The following GALNT17 variants were observed in gnomAD, a reference collection of about 807,000 sequenced individuals.
GALNT17 encodes the protein UDP-GalNAc:polypeptide N-acetylgalactosaminyltransferase-like 3.
GALNT17 carries 29 observed loss-of-function variants against 63.7 expected under a neutral mutation model. That is an observed-to-expected ratio of 0.46 (90% CI 0.34 to 0.62). GALNT17 has a LOEUF of 0.62. Ranked by LOEUF, GALNT17 falls within the 20% of genes least tolerant of loss-of-function variation. GALNT17 has a pLI of 0.01. For synonymous variants in GALNT17, 305 were observed against 318.3 expected, an observed-to-expected ratio of 0.96 and a Z score of 0.45; for missense variants, 603 against 799.6, an observed-to-expected ratio of 0.75 and a Z score of 2.97.
At chr7:71,591,658 T>C (rs992230168) in intron 6 of GALNT17, among the ~76,000 whole-genome samples, 9 of 143,084 alleles carry the variant, frequency 6.3e-5, no homozygotes, top group African/African-American at 2.4e-4. Context: ...ATTGTTTGTT[T>C]GTTTGTTCGT....
chr7:71,522,034 T>G (rs889231856), intron 5 of GALNT17, among the ~76,000 whole-genome samples: 9 of 152,278 alleles, frequency 5.9e-5, no homozygotes, highest in African/African-American at 2.2e-4. Context: ...CCAAGGTCAT[T>G]GAGCTAATTA....
In GALNT17 at chr7:71,368,829, T is replaced by A. The variant is rs550755647; in HGVS notation, c.423-19406T>A. Among the ~76,000 whole-genome samples the A allele has an allele frequency of 1.1e-4, 16 of 148,718 alleles. No homozygotes were observed. The South Asian group carries it at 3.0e-3, about 28-fold the overall frequency. ...AGGAAGAAACAGATTTTTAAACTGA[T>A]ACAAGATCCATATTAAAATCAAAGG... On this transcript the variant is annotated intron_variant, in intron 2 of 10. Coordinates refer to ENST00000333538, the MANE Select transcript of GALNT17 (RefSeq NM_022479.3).
Position 71,710,439 on chromosome 7 carries a change from C to T in GALNT17, c.1501-322C>T, listed in dbSNP as rs562534639. On this transcript the variant is annotated intron_variant, in intron 9 of 10. Coordinates refer to ENST00000333538, the MANE Select transcript of GALNT17 (RefSeq NM_022479.3). The stretch of plus-strand genomic sequence containing the variant: ...AAGAGAATTGCTTGAACCTGGGAAG[C>T]GGAGGTTGCAGTGAGCTGAGATCGT... Among the ~76,000 whole-genome samples the T allele has an allele frequency of 3.3e-5, 5 of 152,212 alleles. 1 individual carries two copies. The South Asian group carries it at 8.3e-4, about 25-fold the overall frequency.
rs62462210 is a variant in GALNT17, at chr7:71,376,282, C to T, written c.423-11953C>T. Among the ~76,000 whole-genome samples the T allele has an allele frequency of 9.6e-3, 1,437 of 150,344 alleles. 14 individuals are homozygous for T. The highest frequency in any genetic ancestry group is 0.018 in the Admixed American group (269 of 15,078). Reference sequence around the variant, plus strand: ...AGGATTGAATACTATGTAAGAATAACGTAGGCAGCATTTCCTGTGCATGCA... The same window carrying T: ...AGGATTGAATACTATGTAAGAATAATGTAGGCAGCATTTCCTGTGCATGCA... On this transcript the variant is annotated intron_variant, in intron 2 of 10. Transcript: ENST00000333538.
intron 5 of GALNT17, among the ~76,000 whole-genome samples, chr7:71,504,515 C>T (rs1055884095): frequency 6.6e-6 from 1 of 152,048 alleles, no homozygotes; most frequent in African/African-American, 2.4e-5. Context: ...TTTTGGTTTA[C>T]TTATTTACAT....
chr7:71,331,928 C>T (rs1373200770), intron 1 of GALNT17, among the ~76,000 whole-genome samples: 2 of 152,136 alleles, frequency 1.3e-5, no homozygotes, highest in Non-Finnish European at 2.9e-5. Context: ...AGTCCTTGTG[C>T]TGTTATTGGC....
At chr7:71,410,153 T>C (rs1793404262) in intron 3 of GALNT17, among the ~76,000 whole-genome samples, 1 of 152,202 alleles carries the variant, frequency 6.6e-6, no homozygotes, top group Non-Finnish European at 1.5e-5. Context: ...CAATAGGCAC[T>C]AAGAAACTAT....
At chr7:71,467,041 G>A (rs1787547398) in intron 5 of GALNT17, among the ~76,000 whole-genome samples, 1 of 152,034 alleles carries the variant, frequency 6.6e-6, no homozygotes, top group African/African-American at 2.4e-5. Flanking sequence ...GACATGTCTT[G>A]GGTAATTTTT....
At chr7:71,294,287 T>C (rs1275725434) in intron 1 of GALNT17, among the ~76,000 whole-genome samples, 1 of 152,208 alleles carries the variant, frequency 6.6e-6, no homozygotes, top group Non-Finnish European at 1.5e-5. Context: ...TTATTTCTCT[T>C]CCCAGTTTGA....
chr7:71,294,627 C>G (rs1003545510), intron 1 of GALNT17, among the ~76,000 whole-genome samples: 4 of 152,000 alleles, frequency 2.6e-5, no homozygotes, highest in Admixed American at 2.6e-4. Context: ...ATTGGCCAGG[C>G]TGGCCTTGAA....
At chr7:71,377,886 CTA>C (rs1792774754) in intron 2 of GALNT17, among the ~76,000 whole-genome samples, 2 of 152,152 alleles carry the variant, frequency 1.3e-5, no homozygotes, top group South Asian at 4.1e-4. Flanking sequence ...TTGCTTTCTG[CTA>C]TGATTGTAAG....
At chr7:71,532,183 C>T (rs1788731824) in intron 5 of GALNT17, among the ~76,000 whole-genome samples, 2 of 152,132 alleles carry the variant, frequency 1.3e-5, no homozygotes, top group Non-Finnish European at 2.9e-5. Context: ...TTTCCTTCTC[C>T]TGACTTTGAG....
chr7:71,439,428 T>C lies in GALNT17; in HGVS notation c.962+18323T>C, dbSNP rs184264619. On this transcript the variant is annotated intron_variant, in intron 5 of 10. Coordinates refer to ENST00000333538, the MANE Select transcript of GALNT17 (RefSeq NM_022479.3). ...TTTTTGCGTGACACGCTGATATTGCTGCTAGATAGCTTTCCTTTGGAAGCA... is the reference window on the plus strand; with the variant it reads ...TTTTTGCGTGACACGCTGATATTGCCGCTAGATAGCTTTCCTTTGGAAGCA... Among the ~76,000 whole-genome samples, 123 of 152,332 alleles carry C rather than the reference T, an allele frequency of 8.1e-4. 1 individual carries two copies. The highest frequency in any genetic ancestry group is 2.9e-3 in the African/African-American group (120 of 41,588).
chr7:71,500,101 C>G (rs1239341648), intron 5 of GALNT17, among the ~76,000 whole-genome samples: 29 of 152,138 alleles, frequency 1.9e-4, no homozygotes, highest in Non-Finnish European at 2.9e-5. Flanking sequence ...CAGTCTCAGG[C>G]AGTCCTTTAT....
At chr7:71,276,238 G>A (rs75757147) in intron 1 of GALNT17, among the ~76,000 whole-genome samples, 1 of 152,136 alleles carries the variant, frequency 6.6e-6, no homozygotes, top group Non-Finnish European at 1.5e-5. Context: ...GGCTGCAGGG[G>A]TGGGGGTGGT....
intron 5 of GALNT17, among the ~76,000 whole-genome samples, chr7:71,482,202 T>C (rs1583991143): frequency 6.7e-6 from 1 of 149,426 alleles, no homozygotes; most frequent in East Asian, 2.0e-4. Flanking sequence ...CGGTCTGGAG[T>C]GCAGTGGTGC....
intron 1 of GALNT17, among the ~76,000 whole-genome samples, chr7:71,150,117 A>G (rs532560411): frequency 6.1e-4 from 93 of 152,260 alleles, no homozygotes; most frequent in African/African-American, 2.0e-3. Context: ...CACCCTTCTC[A>G]TTCCTGTTCA....
intron 5 of GALNT17, among the ~76,000 whole-genome samples, chr7:71,541,872 C>G (rs1788899031): frequency 6.6e-6 from 1 of 152,154 alleles, no homozygotes; most frequent in African/African-American, 2.4e-5. Context: ...TCGTGTCTTT[C>G]TGAATTACTG....
intron 6 of GALNT17, among the ~76,000 whole-genome samples, chr7:71,588,753 G>A (rs2103187): frequency 0.28 from 43,078 of 151,914 alleles, 8,000 homozygotes; most frequent in Non-Finnish European, 0.41. Context: ...TGTTTTGTGT[G>A]GTAATTTGTG....
Sources: allele counts gnomAD v4.1 joint callset (sites outside exome capture counted in the v4.1 genomes callset), GRCh38; gene constraint gnomAD v4.1.1; transcripts MANE v1.5; gene names NCBI Gene and HGNC (gene_info 2026-07-23, HGNC 2026-07-21).